LGR4: variants seen among roughly 807,000 people sequenced by gnomAD.
LGR4 encodes leucine-rich repeat-containing G protein-coupled receptor 4.
A neutral mutation model predicts 84.8 loss-of-function variants in LGR4; 44 were observed. That is an observed-to-expected ratio of 0.52 (90% CI 0.41 to 0.67). The LOEUF is 0.67. LGR4 is among the 30% of genes least tolerant of loss of function. The pLI is 0.00. For synonymous variants in LGR4, 429 were observed against 434.3 expected, an observed-to-expected ratio of 0.99 and a Z score of 0.15; for missense variants, 1,032 against 1,131.4, an observed-to-expected ratio of 0.91 and a Z score of 1.26.
chr11:27,420,973 A>T (rs1366243027), intron 1 of LGR4, among the ~76,000 whole-genome samples: 1 of 152,208 alleles, frequency 6.6e-6, no homozygotes, highest in Non-Finnish European at 1.5e-5. Context: ...AGCTACCAAG[A>T]CAAGCAAAAA....
Position 27,380,358 on chromosome 11 carries a change from G to C in LGR4, c.903-19C>G, listed in dbSNP as rs770804107. ...AATGACTCTTTATGAAATTGAGAAAGACAAGGTAATTTTTAAATTTTTTTT... is the reference window on the plus strand; with the variant it reads ...AATGACTCTTTATGAAATTGAGAAACACAAGGTAATTTTTAAATTTTTTTT... On this transcript the variant is annotated intron_variant, in intron 9 of 17. Coordinates refer to ENST00000379214, the MANE Select transcript of LGR4 (RefSeq NM_018490.5). The C allele has an allele frequency of 4.4e-6, 7 of 1,581,738 alleles. No individual in the cohort carries two copies. The highest frequency in any genetic ancestry group is 5.2e-6 in the Non-Finnish European group (6 of 1,158,858).
intron 1 of LGR4, among the ~76,000 whole-genome samples, chr11:27,449,883 A>C (rs73448036): frequency 0.034 from 5,199 of 152,266 alleles, 268 homozygotes; most frequent in African/African-American, 0.12. Context: ...TGCTTTATTA[A>C]CAATATCTCT....
intron 1 of LGR4, among the ~76,000 whole-genome samples, chr11:27,449,373 C>A (rs12364287): frequency 0.7 from 105,713 of 152,008 alleles, 36,883 homozygotes; most frequent in South Asian, 0.82. Context: ...ATTTGAGCTC[C>A]GGAGTTCAAG....
intron 1 of LGR4, among the ~76,000 whole-genome samples, chr11:27,439,746 C>T (rs1175595354): frequency 6.6e-6 from 1 of 152,126 alleles, no homozygotes; most frequent in Non-Finnish European, 1.5e-5. Flanking sequence ...TTGTCTACCT[C>T]TCTCTGCTCC....
chr11:27,458,296 C>T (rs1238186831), intron 1 of LGR4, among the ~76,000 whole-genome samples: 4 of 151,836 alleles, frequency 2.6e-5, no homozygotes, highest in Admixed American at 2.6e-4. Flanking sequence ...GTGAGGAAAC[C>T]AAGGTAGAAA....
chr11:27,388,367 A>G (rs1863224429), intron 4 of LGR4, among the ~76,000 whole-genome samples: 1 of 152,194 alleles, frequency 6.6e-6, no homozygotes, highest in Non-Finnish European at 1.5e-5. Context: ...TGAAGAAAAT[A>G]CTATAATTCT....
At chr11:27,391,235 C>CTTTTTTT (rs35556457) in intron 3 of LGR4, 70 bp from the exon 4 acceptor site, 18 of 444,736 alleles carry the variant, frequency 4.0e-5, no homozygotes, top group Non-Finnish European at 5.4e-5. Flanking sequence ...AATTCAGAGC[C>CTTTTTTT]TTTTTTTTTT....
chr11:27,428,372 T>C (rs908673185), intron 1 of LGR4, among the ~76,000 whole-genome samples: 1 of 151,982 alleles, frequency 6.6e-6, no homozygotes, highest in Non-Finnish European at 1.5e-5. Context: ...TTCCTGACCT[T>C]GAGTGATCTG....
intron 1 of LGR4, among the ~76,000 whole-genome samples, chr11:27,465,403 T>C (rs554596303): frequency 6.6e-6 from 1 of 152,310 alleles, no homozygotes; most frequent in South Asian, 2.1e-4. Flanking sequence ...TACGTAATGG[T>C]ATGAAAAACA....
At chr11:27,399,960 A>G (rs1307161817) in intron 2 of LGR4, among the ~76,000 whole-genome samples, 1 of 152,198 alleles carries the variant, frequency 6.6e-6, no homozygotes, top group Non-Finnish European at 1.5e-5. Flanking sequence ...ACTGGTTCCC[A>G]TGTAGGGGCA....
At chr11:27,383,378 A>G (rs1863133731) in intron 6 of LGR4, among the ~76,000 whole-genome samples, 1 of 152,322 alleles carries the variant, frequency 6.6e-6, no homozygotes, top group East Asian at 1.9e-4. Context: ...ACATAATTGA[A>G]ATAGTGTACA....
At chr11:27,452,028 C>T (rs1025449692) in intron 1 of LGR4, among the ~76,000 whole-genome samples, 3 of 152,184 alleles carry the variant, frequency 2.0e-5, no homozygotes, top group Admixed American at 6.5e-5. Flanking sequence ...TGGACACCCA[C>T]GTAATCTTCC....
intron 6 of LGR4, among the ~76,000 whole-genome samples, chr11:27,383,191 T>C (rs1321069864): frequency 6.6e-6 from 1 of 152,204 alleles, no homozygotes; most frequent in Non-Finnish European, 1.5e-5. Flanking sequence ...TAAAGTTTAA[T>C]TTCTTTTAAC....
intron 1 of LGR4, among the ~76,000 whole-genome samples, chr11:27,423,542 T>C (rs545184458): frequency 1.3e-5 from 2 of 152,362 alleles, no homozygotes; most frequent in South Asian, 4.1e-4. Flanking sequence ...CTCAAAATTA[T>C]AACTGGGATG....
At chr11:27,471,723 A>T (rs1178339984) in intron 1 of LGR4, 2 of 157,560 alleles carry the variant, frequency 1.3e-5, no homozygotes, top group Non-Finnish European at 2.8e-5. Flanking sequence ...CAGTAGCGGA[A>T]CTCCTGCCCG....
At position 27,369,083 on chromosome 11, in the gene LGR4, A is replaced by G. The variant is rs1862832228; in HGVS notation, c.1640T>C (p.Phe547Ser). 6.2e-7 allele frequency: 1 copy of G among 1,613,760 alleles called. No individual in the cohort carries two copies. Among genetic ancestry groups the G allele is most frequent in the Admixed American group, 1.7e-5 (1 of 59,984 alleles). ...GAAAAATAATGCAACCAAGAAAATGAACCACACAGTAAGACGAATCATCCA... is the reference window on the plus strand; with the variant it reads ...GAAAAATAATGCAACCAAGAAAATGGACCACACAGTAAGACGAATCATCCA... The part of the protein sequence containing the change: ...GSWMIRLTVW[F>S]IFLVALFFNL... The change falls in exon 18 of 18, where the codon TTC becomes TCC. Residue 547 changes from phenylalanine (F) to serine (S), a missense_variant. By Grantham distance (155) the Phe-to-Ser change is radical (BLOSUM62 -2). Transcript: ENST00000379214.
chr11:27,372,609 T>C (rs1862907233), intron 15 of LGR4, among the ~76,000 whole-genome samples: 1 of 152,194 alleles, frequency 6.6e-6, no homozygotes, highest in African/African-American at 2.4e-5. Context: ...CTTTCTCCCT[T>C]TCTATAAGAT....
Position 27,371,227 on chromosome 11 carries a change from C to T in LGR4, c.1579+388G>A, listed in dbSNP as rs910252383. 3.9e-5 allele frequency among the ~76,000 whole-genome samples: 6 copies of T among 152,076 alleles called. 1 individual carries two copies. In the East Asian group the frequency reaches 5.8e-4, roughly 15 times the overall value. On this transcript the variant is annotated intron_variant, in intron 17 of 17. Coordinates refer to ENST00000379214, the MANE Select transcript of LGR4 (RefSeq NM_018490.5). Reference sequence around the variant, plus strand: ...CAGTTTAATAACTTTCCCAAGACTACGAAGTTCAATGAAGTAAATGAGGGG... The same window carrying T: ...CAGTTTAATAACTTTCCCAAGACTATGAAGTTCAATGAAGTAAATGAGGGG...
At chr11:27,382,105 G>C (rs1863106621) in intron 7 of LGR4, 83 bp downstream of exon 7, 2 of 888,056 alleles carry the variant, frequency 2.3e-6, no homozygotes, top group Non-Finnish European at 3.7e-6. Context: ...AATGGAACAA[G>C]ATGTTCTAAA....
Sources: gnomAD v4.1 joint callset for allele counts (sites outside exome capture counted in the v4.1 genomes callset) on GRCh38, gnomAD v4.1.1 for gene constraint, MANE v1.5 for transcripts, NCBI Gene and HGNC (gene_info 2026-07-23, HGNC 2026-07-21) for gene names.